The following PTPRQ variants were observed in gnomAD, a reference collection of about 807,000 sequenced individuals.
The protein encoded by PTPRQ is protein tyrosine phosphatase receptor type Q.
Under a neutral mutation model 246.0 loss-of-function variants are expected in PTPRQ, and 199 were observed. The observed-to-expected ratio is 0.81, with a 90% CI of 0.72 to 0.91. The LOEUF (loss-of-function observed/expected upper bound fraction) is 0.91, where lower values mean the gene tolerates loss of function less well. Among genes scored for constraint, PTPRQ ranks in the 40% least tolerant of loss-of-function variants. The probability of loss-of-function intolerance (pLI) is 0.00; values close to 1 mark genes in which losing one functional copy is unlikely to be tolerated. For synonymous variants in PTPRQ, 869 were observed against 853.2 expected (o/e 1.02, Z -0.32); for missense variants, 2,624 against 2,528.4 (o/e 1.04, Z -0.81).
chr12:80,455,700 C>T (rs561447865), intron 3 of PTPRQ, among the ~76,000 whole-genome samples: 3 of 151,990 alleles, frequency 2.0e-5, no homozygotes, highest in African/African-American at 4.8e-5. Flanking sequence ...ACGCCATTCT[C>T]CTGCCTCAGC....
intron 8 of PTPRQ, among the ~76,000 whole-genome samples, chr12:80,476,002 C>T (rs1045214592): frequency 6.6e-6 from 1 of 150,562 alleles, no homozygotes; most frequent in Non-Finnish European, 1.5e-5. Flanking sequence ...TTTCAATAGG[C>T]AGGGTTTAGT....
chr12:80,629,670 TGAG>T lies in PTPRQ; in HGVS notation c.5687-2516_5687-2514del, dbSNP rs566086446. ...GATATGGGCTTTTCTCAGTGGGAGA[TGAG>T]GAGGATTTTAAGCAGAGAAATAATG... On this transcript the variant is annotated intron_variant, in intron 33 of 44. Transcript: ENST00000644991. Among the ~76,000 whole-genome samples the T allele has an allele frequency of 7.9e-5, 12 of 151,852 alleles. No homozygotes were observed. In the East Asian group the frequency reaches 1.6e-3, roughly 20 times the overall value.
chr12:80,501,954 T>G, intron 14 of PTPRQ, among the ~76,000 whole-genome samples: 1 of 139,492 alleles, frequency 7.2e-6, no homozygotes, highest in East Asian at 2.0e-4. Context: ...AAAAAAAATG[T>G]AGAAAATGAG....
intron 25 of PTPRQ, among the ~76,000 whole-genome samples, chr12:80,555,932 C>G (rs1896632157): frequency 6.6e-6 from 1 of 151,950 alleles, no homozygotes; most frequent in Non-Finnish European, 1.5e-5. Context: ...GGATCTTTGC[C>G]CTGCACATCC....
At chr12:80,625,065 C>T (rs1424575393) in intron 33 of PTPRQ, among the ~76,000 whole-genome samples, 3 of 152,144 alleles carry the variant, frequency 2.0e-5, no homozygotes, top group African/African-American at 7.2e-5. Flanking sequence ...AGGGAAGAAA[C>T]TCTAGAAGAA....
intron 23 of PTPRQ, among the ~76,000 whole-genome samples, chr12:80,543,202 T>G (rs944719843): frequency 1.3e-5 from 2 of 152,168 alleles, no homozygotes; most frequent in African/African-American, 4.8e-5. Flanking sequence ...AATGTATTTC[T>G]ATCTATTGTT....
chr12:80,549,847 A>T, intron 25 of PTPRQ, 113 bp downstream of exon 25: 1 of 1,368,364 alleles, frequency 7.3e-7, no homozygotes, highest in Admixed American at 3.0e-5. Flanking sequence ...AGCACATATT[A>T]AAAAATACAA....
intron 13 of PTPRQ, 63 bp from the exon 14 acceptor site, chr12:80,496,186 AG>A: frequency 1.9e-6 from 3 of 1,543,286 alleles, no homozygotes; most frequent in Non-Finnish European, 2.6e-6. Context: ...TGCTACCTCT[AG>A]GGTCTAAAGC....
chr12:80,467,300 C>T (rs1469518330), intron 6 of PTPRQ, among the ~76,000 whole-genome samples: 12 of 152,064 alleles, frequency 7.9e-5, no homozygotes, highest in Admixed American at 6.6e-4. Context: ...ATCAAAACCA[C>T]AATGAGATAC....
chr12:80,573,761 G>A (rs116241472), intron 25 of PTPRQ, among the ~76,000 whole-genome samples: 1,981 of 152,116 alleles, frequency 0.013, 38 homozygotes, highest in African/African-American at 0.045. Flanking sequence ...CTTAATAAGT[G>A]TTTATGAAAT....
intron 8 of PTPRQ, among the ~76,000 whole-genome samples, chr12:80,476,238 T>C (rs1565730725): frequency 6.6e-6 from 1 of 152,140 alleles, no homozygotes; most frequent in East Asian, 1.9e-4. Context: ...ACCACACAAT[T>C]AATTGGAAAG....
At chr12:80,540,706 A>G (rs577402160) in intron 20 of PTPRQ, among the ~76,000 whole-genome samples, 1 of 152,258 alleles carries the variant, frequency 6.6e-6, no homozygotes, top group East Asian at 1.9e-4. Context: ...AGTCTTTTGA[A>G]TTGTTGACAA....
chr12:80,491,230 T>C (rs1172255543), intron 9 of PTPRQ, among the ~76,000 whole-genome samples: 1 of 151,934 alleles, frequency 6.6e-6, no homozygotes, highest in Non-Finnish European at 1.5e-5. Context: ...AAACCATAGT[T>C]GAGGGGGAAA....
Position 80,505,417 on chromosome 12 carries a change from A to T in PTPRQ, c.2273-607A>T, listed in dbSNP as rs552327332. On this transcript the variant is annotated intron_variant, in intron 14 of 44. Coordinates refer to ENST00000644991, the MANE Select transcript of PTPRQ (RefSeq NM_001145026.2). Reference sequence around the variant, plus strand: ...TTTAGGGTATCTGTTCCAATATTTTACCGGAATTAGAATCTTGTATATAGT... The same window carrying T: ...TTTAGGGTATCTGTTCCAATATTTTTCCGGAATTAGAATCTTGTATATAGT... 2.6e-5 allele frequency among the ~76,000 whole-genome samples: 4 copies of T among 152,020 alleles called. No homozygotes were observed. In the East Asian group the frequency reaches 7.7e-4, roughly 29 times the overall value.
At chr12:80,541,971 A>C in intron 21 of PTPRQ, 118 bp from the exon 22 acceptor site, 1 of 1,465,092 alleles carries the variant, frequency 6.8e-7, no homozygotes, top group Non-Finnish European at 9.1e-7. Flanking sequence ...GCCTTTCAAT[A>C]AACACAGTGT....
At chr12:80,543,602 A>C (rs1383360290) in intron 23 of PTPRQ, among the ~76,000 whole-genome samples, 1 of 152,170 alleles carries the variant, frequency 6.6e-6, no homozygotes, top group African/African-American at 2.4e-5. Flanking sequence ...AGTGCAAAAA[A>C]TCTGCAGTAA....
At chr12:80,577,968 T>G (rs1040644099) in intron 25 of PTPRQ, among the ~76,000 whole-genome samples, 2 of 152,194 alleles carry the variant, frequency 1.3e-5, no homozygotes, top group African/African-American at 4.8e-5. Flanking sequence ...ACTTACAATC[T>G]CTGAAGACAT....
At chr12:80,461,278 C>T (rs2120484046) in intron 6 of PTPRQ, among the ~76,000 whole-genome samples, 1 of 152,230 alleles carries the variant, frequency 6.6e-6, no homozygotes, top group Non-Finnish European at 1.5e-5. Flanking sequence ...CCTGCACTAG[C>T]AGAACGAGCA....
chr12:80,634,494 T>C (rs369554795), intron 34 of PTPRQ, among the ~76,000 whole-genome samples: 53 of 152,212 alleles, frequency 3.5e-4, no homozygotes, highest in African/African-American at 1.2e-3. Context: ...AGTATTTTCA[T>C]GCATGTAAAA....
Sources: allele counts gnomAD v4.1 joint callset (sites outside exome capture counted in the v4.1 genomes callset), GRCh38; gene constraint gnomAD v4.1.1; transcripts MANE v1.5; gene names NCBI Gene and HGNC (gene_info 2026-07-23, HGNC 2026-07-21).